CDH10: variants seen among roughly 807,000 people sequenced by gnomAD.
CDH10 encodes cadherin-10.
A neutral mutation model predicts 73.1 loss-of-function variants in CDH10; 30 were observed. The ratio of observed to expected loss-of-function variants is 0.41; its 90% confidence interval spans 0.31 to 0.56. The LOEUF is 0.56. CDH10 is among the 20% of genes least tolerant of loss of function. CDH10 has a pLI of 0.27. For synonymous variants in CDH10, 345 were observed against 348.2 expected, an observed-to-expected ratio of 0.99 and a Z score of 0.10; for missense variants, 815 against 973.7, an observed-to-expected ratio of 0.84 and a Z score of 2.17.
chr5:24,591,830 A>G (rs754983996), intron 2 of CDH10, among the ~76,000 whole-genome samples: 1 of 151,978 alleles, frequency 6.6e-6, no homozygotes, highest in Non-Finnish European at 1.5e-5. Flanking sequence ...ATGTAATGAT[A>G]ATTCAATTTA....
intron 1 of CDH10, among the ~76,000 whole-genome samples, chr5:24,633,398 A>G (rs1276112315): frequency 6.6e-6 from 1 of 151,912 alleles, no homozygotes; most frequent in African/African-American, 2.4e-5. Context: ...AAAAAAATGT[A>G]AACAAATTTG....
chr5:24,582,773 C>T (rs906763199), intron 2 of CDH10, among the ~76,000 whole-genome samples: 1 of 152,166 alleles, frequency 6.6e-6, no homozygotes, highest in Non-Finnish European at 1.5e-5. Context: ...GATGCTCATG[C>T]TCACTTAGCA....
At chr5:24,546,698 G>C (rs1421463241) in intron 2 of CDH10, among the ~76,000 whole-genome samples, 2 of 152,004 alleles carry the variant, frequency 1.3e-5, no homozygotes, top group Non-Finnish European at 2.9e-5. Context: ...CTCTTAACCT[G>C]TAACAATTTT....
chr5:24,531,248 CAT>C (rs1208131707), intron 5 of CDH10, among the ~76,000 whole-genome samples: 6 of 152,154 alleles, frequency 3.9e-5, no homozygotes, highest in African/African-American at 1.2e-4. Context: ...AATTGTCTCA[CAT>C]GTTATTCTTT....
intron 2 of CDH10, among the ~76,000 whole-genome samples, chr5:24,562,412 C>T (rs1488387143): frequency 6.6e-6 from 1 of 151,888 alleles, no homozygotes; most frequent in Admixed American, 6.6e-5. Flanking sequence ...AATTTAATTT[C>T]ACTCAACTAC....
chr5:24,618,217 T>C (rs533746013), intron 1 of CDH10, among the ~76,000 whole-genome samples: 6 of 152,314 alleles, frequency 3.9e-5, no homozygotes, highest in African/African-American at 1.4e-4. Context: ...TCATTTAACA[T>C]GGATTTGATT....
chr5:24,633,413 T>C (rs978123821), intron 1 of CDH10, among the ~76,000 whole-genome samples: 2 of 151,930 alleles, frequency 1.3e-5, no homozygotes, highest in African/African-American at 4.8e-5. Flanking sequence ...AATTTGTCTC[T>C]TTGAACTTCC....
chr5:24,596,950 A>G (rs1325993431), intron 1 of CDH10, among the ~76,000 whole-genome samples: 1 of 152,028 alleles, frequency 6.6e-6, no homozygotes, highest in Non-Finnish European at 1.5e-5. Context: ...TATTAACAGA[A>G]TTATAATGAA....
At chr5:24,511,537 G>T in intron 5 of CDH10, 23 bp from the exon 6 acceptor site, 2 of 792,464 alleles carry the variant, frequency 2.5e-6, no homozygotes, top group Non-Finnish European at 3.9e-6. Context: ...AAGAAAAGAA[G>T]AGAGAGACAG....
chr5:24,531,190 T>C (rs957244943), intron 5 of CDH10, among the ~76,000 whole-genome samples: 10 of 152,066 alleles, frequency 6.6e-5, no homozygotes, highest in Non-Finnish European at 5.9e-5. Context: ...AATGACAGCT[T>C]CTATTAGCCT....
chr5:24,604,871 T>TC (rs1453322652), intron 1 of CDH10, among the ~76,000 whole-genome samples: 1,509 of 115,476 alleles, frequency 0.013, 78 homozygotes, highest in African/African-American at 0.053. Flanking sequence ...AAGATGTCTC[T>TC]AAAAAAAAAA....
chr5:24,538,924 T>A (rs1316233486), intron 2 of CDH10, among the ~76,000 whole-genome samples: 1 of 152,096 alleles, frequency 6.6e-6, no homozygotes, highest in African/African-American at 2.4e-5. Flanking sequence ...ACCCTACCAA[T>A]AAACATTTTT....
intron 9 of CDH10, among the ~76,000 whole-genome samples, chr5:24,496,905 A>G (rs1434829691): frequency 6.6e-6 from 1 of 152,198 alleles, no homozygotes; most frequent in Non-Finnish European, 1.5e-5. Context: ...CCGAAGTGAC[A>G]TCTAACAAAC....
At chr5:24,539,775 T>TA (rs1744084182) in intron 2 of CDH10, among the ~76,000 whole-genome samples, 1 of 151,946 alleles carries the variant, frequency 6.6e-6, no homozygotes, top group Non-Finnish European at 1.5e-5. Context: ...AAACCACTCT[T>TA]AAAAAAAGTC....
chr5:24,513,101 C>A (rs1454938896), intron 5 of CDH10, among the ~76,000 whole-genome samples: 3 of 151,374 alleles, frequency 2.0e-5, no homozygotes, highest in African/African-American at 7.3e-5. Context: ...CTCACTGCAC[C>A]CTTACCTCCC....
At chr5:24,568,376 C>CATAAAAAGATACATAA (rs1273274145) in intron 2 of CDH10, among the ~76,000 whole-genome samples, 40 of 151,972 alleles carry the variant, frequency 2.6e-4, no homozygotes, top group Admixed American at 2.4e-3. Flanking sequence ...TCCAAATGGC[C>CATAAAAAGATACATAA]AGTAAGTACA....
chr5:24,538,274 T>C (rs1436160733), intron 2 of CDH10, among the ~76,000 whole-genome samples: 1 of 151,954 alleles, frequency 6.6e-6, no homozygotes, highest in African/African-American at 2.4e-5. Context: ...ACATAACACA[T>C]GTCTGTAAAT....
At chr5:24,611,501 T>C (rs1424277035) in intron 1 of CDH10, among the ~76,000 whole-genome samples, 1 of 152,230 alleles carries the variant, frequency 6.6e-6, no homozygotes, top group African/African-American at 2.4e-5. Context: ...AGACTGTTCA[T>C]AACTTGTAAA....
chr5:24,599,533 T>C (rs892443931), intron 1 of CDH10, among the ~76,000 whole-genome samples: 4 of 152,194 alleles, frequency 2.6e-5, no homozygotes, highest in Admixed American at 1.3e-4. Flanking sequence ...TAACTTACTA[T>C]GCACTTTAGT....
Sources: gnomAD v4.1 joint callset for allele counts (sites outside exome capture counted in the v4.1 genomes callset) on GRCh38, gnomAD v4.1.1 for gene constraint, MANE v1.5 for transcripts, NCBI Gene and HGNC (gene_info 2026-07-23, HGNC 2026-07-21) for gene names.